SIL1: variants seen among roughly 807,000 people sequenced by gnomAD.
SIL1 encodes the protein SIL1 nucleotide exchange factor.
SIL1 carries 40 observed loss-of-function variants against 49.1 expected under a neutral mutation model. That is an observed-to-expected ratio of 0.81 (90% CI 0.63 to 1.06). The LOEUF (loss-of-function observed/expected upper bound fraction) is 1.06, where lower values mean the gene tolerates loss of function less well. Ranked by LOEUF, SIL1 falls within the 50% of genes least tolerant of loss-of-function variation. SIL1 has a pLI of 0.00. For missense variants in SIL1, 500 were observed against 572.6 expected, an observed-to-expected ratio of 0.87 and a Z score of 1.29; for synonymous variants, 253 against 250.8, an observed-to-expected ratio of 1.01 and a Z score of -0.08.
At chr5:138,995,690 T>C (rs1255904516) in intron 7 of SIL1, among the ~76,000 whole-genome samples, 2 of 152,202 alleles carry the variant, frequency 1.3e-5, no homozygotes, top group Non-Finnish European at 1.5e-5. Context: ...TTGTAACTAT[T>C]AACCAACCTC....
At chr5:139,039,684 GGT>G (rs1768996101) in intron 5 of SIL1, among the ~76,000 whole-genome samples, 1 of 151,996 alleles carries the variant, frequency 6.6e-6, no homozygotes, top group South Asian at 2.1e-4. Flanking sequence ...TTATGTCCAG[GGT>G]TTTTAGTTAC....
chr5:138,992,766 T>C (rs931998767), intron 7 of SIL1, among the ~76,000 whole-genome samples: 2 of 152,100 alleles, frequency 1.3e-5, no homozygotes, highest in Non-Finnish European at 1.5e-5. Flanking sequence ...TTGGGTATAG[T>C]GTACACTGTT....
intron 1 of SIL1, among the ~76,000 whole-genome samples, chr5:139,164,811 T>C (rs983033516): frequency 6.6e-6 from 1 of 152,198 alleles, no homozygotes; most frequent in East Asian, 1.9e-4. Context: ...CAAATTCCTA[T>C]CTAAAAGGTC....
chr5:138,971,325 T>A (rs1767265159), intron 7 of SIL1, among the ~76,000 whole-genome samples: 1 of 151,870 alleles, frequency 6.6e-6, no homozygotes, highest in Admixed American at 6.6e-5. Context: ...TTTGCAGAGA[T>A]CCCATGTGAC....
At chr5:139,127,446 T>G (rs1013514454) in intron 2 of SIL1, among the ~76,000 whole-genome samples, 1 of 152,140 alleles carries the variant, frequency 6.6e-6, no homozygotes, top group African/African-American at 2.4e-5. Context: ...TAAATGAGAA[T>G]ACATATAAAG....
chr5:139,112,188 C>G (rs898366390), intron 3 of SIL1, among the ~76,000 whole-genome samples: 4 of 152,244 alleles, frequency 2.6e-5, no homozygotes, highest in Admixed American at 1.3e-4. Context: ...GTGATCTCAG[C>G]TAGCTACAAC....
chr5:139,139,965 C>A (rs1018284959), intron 1 of SIL1, among the ~76,000 whole-genome samples: 1 of 151,898 alleles, frequency 6.6e-6, no homozygotes, highest in Non-Finnish European at 1.5e-5. Context: ...CTCATCTCTA[C>A]TAAAAAATAC....
At chr5:139,119,744 G>C (rs891748431) in intron 3 of SIL1, among the ~76,000 whole-genome samples, 8 of 152,140 alleles carry the variant, frequency 5.3e-5, no homozygotes, top group African/African-American at 1.4e-4. Flanking sequence ...CTGGGTGACA[G>C]AGCAAGACCC....
chr5:139,056,266 G>A (rs865911133), intron 3 of SIL1, among the ~76,000 whole-genome samples: 1 of 150,798 alleles, frequency 6.6e-6, no homozygotes, highest in African/African-American at 2.4e-5. Context: ...AGGAAGTGAG[G>A]AGCGTCTCTG....
At chr5:139,142,397 C>G (rs1751097397) in intron 1 of SIL1, among the ~76,000 whole-genome samples, 1 of 152,142 alleles carries the variant, frequency 6.6e-6, no homozygotes, top group Admixed American at 6.5e-5. Context: ...GAACAAAATA[C>G]TAGCAAGCCA....
chr5:139,162,292 C>T (rs1175528269), intron 1 of SIL1, among the ~76,000 whole-genome samples: 1 of 152,160 alleles, frequency 6.6e-6, no homozygotes, highest in Non-Finnish European at 1.5e-5. Context: ...TATCTAAGAA[C>T]TTAGGGAGTA....
intron 8 of SIL1, 63 bp downstream of exon 8, chr5:138,951,725 C>A: frequency 6.8e-7 from 1 of 1,478,946 alleles, no homozygotes; most frequent in Non-Finnish European, 9.5e-7. Flanking sequence ...GACAGGAACC[C>A]TTTCCTTTCA....
chr5:138,964,797 G>GA (rs1767100442), intron 7 of SIL1, among the ~76,000 whole-genome samples: 1 of 152,180 alleles, frequency 6.6e-6, no homozygotes, highest in Non-Finnish European at 1.5e-5. Context: ...CAACTTAAAA[G>GA]AAAAAAACAT....
At position 139,025,399 on chromosome 5, in the gene SIL1, C is replaced by T. The variant is rs374369297; in HGVS notation, c.645+1402G>A. On this transcript the variant is annotated intron_variant, in intron 6 of 9. Transcript: ENST00000394817. The stretch of plus-strand genomic sequence containing the variant: ...TAATCTCTCTGTGCCTCATTTTCCT[C>T]GGTTATAAAATGGGATTAATAGTGG... Among the ~76,000 whole-genome samples, 32 of 152,078 alleles carry T rather than the reference C, an allele frequency of 2.1e-4. No individual in the cohort carries two copies. In the East Asian group the frequency reaches 5.6e-3, roughly 27 times the overall value.
At chr5:138,969,333 G>C (rs1353770424) in intron 7 of SIL1, among the ~76,000 whole-genome samples, 6 of 152,166 alleles carry the variant, frequency 3.9e-5, no homozygotes, top group Non-Finnish European at 8.8e-5. Flanking sequence ...CCTCCTTTCA[G>C]CCTGACCTCA....
intron 7 of SIL1, among the ~76,000 whole-genome samples, chr5:138,989,029 G>C (rs190199619): frequency 2.6e-5 from 4 of 152,354 alleles, no homozygotes; most frequent in African/African-American, 9.6e-5. Flanking sequence ...AACACTGGTT[G>C]CCTTGAGGCA....
At chr5:139,054,852 A>G (rs892544558) in intron 3 of SIL1, among the ~76,000 whole-genome samples, 4 of 152,214 alleles carry the variant, frequency 2.6e-5, no homozygotes, top group Non-Finnish European at 5.9e-5. Flanking sequence ...TTTAAAATAT[A>G]CTAAACACGT....
chr5:138,990,283 C>T (rs552067690), intron 7 of SIL1, among the ~76,000 whole-genome samples: 1 of 152,226 alleles, frequency 6.6e-6, no homozygotes, highest in East Asian at 1.9e-4. Context: ...TCCTAGGATG[C>T]CCACAGAGAT....
chr5:139,145,542 T>C (rs1201239561), intron 1 of SIL1, among the ~76,000 whole-genome samples: 2 of 152,120 alleles, frequency 1.3e-5, no homozygotes, highest in Non-Finnish European at 2.9e-5. Flanking sequence ...ACAGCAGCAT[T>C]ATTCACTATA....
Sources: allele counts gnomAD v4.1 joint callset (sites outside exome capture counted in the v4.1 genomes callset), GRCh38; gene constraint gnomAD v4.1.1; transcripts MANE v1.5; gene names NCBI Gene and HGNC (gene_info 2026-07-23, HGNC 2026-07-21).